Variants in ZNF532 observed in about 807,000 individuals in gnomAD.
ZNF532 encodes the protein zinc finger protein 532.
ZNF532 carries 22 observed loss-of-function variants against 89.3 expected under a neutral mutation model. That is an observed-to-expected ratio of 0.25 (90% CI 0.18 to 0.35). The LOEUF is 0.35. Ranked by LOEUF, ZNF532 falls within the 10% of genes least tolerant of loss-of-function variation. The pLI, the probability that ZNF532 is intolerant of heterozygous loss-of-function variation, is 1.00. For missense variants in ZNF532, 1,132 were observed against 1,643.4 expected, an observed-to-expected ratio of 0.69 and a Z score of 5.38; for synonymous variants, 606 against 649.6, an observed-to-expected ratio of 0.93 and a Z score of 1.02.
In ZNF532 at chr18:58,919,421, C is replaced by T. The variant is rs1265887381; in HGVS notation, c.1134C>T (p.Thr378=). 1.2e-5 allele frequency: 20 copies of T among 1,614,076 alleles called. No homozygotes were observed. The Admixed American group carries it at 1.3e-4, about 11-fold the overall frequency. The change falls in exon 3 of 10, where the codon ACC becomes ACT. Residue 378 remains threonine (T), a synonymous_variant. Transcript: ENST00000591808. This position sits in a 1 kb window ranked among gnomAD's most constrained non-coding sequence, Gnocchi z 6.1. ...CTGGGGAAATCAAGAGAACAGTGACCAGGGTATTGCCAGAAGTGGATCTTG... is the reference window on the plus strand; with the variant it reads ...CTGGGGAAATCAAGAGAACAGTGACTAGGGTATTGCCAGAAGTGGATCTTG... The part of the protein sequence containing the change: ...TSSGEIKRTV[T]RVLPEVDLDS...
At chr18:58,908,722 T>C (rs1275371839) in intron 2 of ZNF532, among the ~76,000 whole-genome samples, 2 of 152,230 alleles carry the variant, frequency 1.3e-5, no homozygotes, top group African/African-American at 4.8e-5. Context: ...TTTGTATTCA[T>C]GGATCAGAAA....
intron 2 of ZNF532, among the ~76,000 whole-genome samples, chr18:58,899,054 G>A (rs556666501): frequency 2.8e-4 from 43 of 152,378 alleles, no homozygotes; most frequent in African/African-American, 9.6e-4. Flanking sequence ...TGCTGAGTGC[G>A]CGTAGATTGC....
rs150724465 is a variant in ZNF532 at position 58,973,916 on chromosome 18, A to G, written c.3151-5139A>G. Among the ~76,000 whole-genome samples the G allele has an allele frequency of 1.1e-4, 17 of 152,274 alleles. No homozygotes were observed. The East Asian group carries it at 3.3e-3, about 29-fold the overall frequency. On this transcript the variant is annotated intron_variant, in intron 7 of 9. Coordinates refer to ENST00000591808, the MANE Select transcript of ZNF532 (RefSeq NM_001375912.1). ...TCACGTGTACTGTATGGCTCCATTT[A>G]TATGACAAATGGAGAAAGCAAAACC...
intron 2 of ZNF532, among the ~76,000 whole-genome samples, chr18:58,907,870 C>T (rs2060033875): frequency 6.6e-6 from 1 of 152,184 alleles, no homozygotes; most frequent in Non-Finnish European, 1.5e-5. Flanking sequence ...AAGATGATGC[C>T]CACTTACCTT....
chr18:58,934,578 A>G lies in ZNF532; in HGVS notation c.2492A>G (p.Lys831Arg), dbSNP rs1163389196. The G allele has an allele frequency of 8.1e-6, 13 of 1,614,028 alleles. No individual in the cohort carries two copies. In the East Asian group the frequency reaches 1.3e-4, roughly 17 times the overall value. The change falls in exon 4 of 10, where the codon AAG becomes AGG. Residue 831 changes from lysine to arginine, a missense_variant. By Grantham distance (26) the Lys-to-Arg change is conservative. Around this residue, in one of 9 missense-constraint regions of ZNF532, gnomAD observed 415 missense variants for 604.8 expected, o/e 0.69. Transcript: ENST00000591808. Reference protein sequence around the residue: ...RSVHFQTHVTKNCLHYTRRVG... With the variant: ...RSVHFQTHVTRNCLHYTRRVG... ...GTGCACTTCCAGACCCACGTCACCA[A>G]GAACTGTCTGCACTACACGAGGAGA...
intron 4 of ZNF532, among the ~76,000 whole-genome samples, chr18:58,938,048 T>C (rs538456419): frequency 6.6e-6 from 1 of 152,326 alleles, no homozygotes; most frequent in South Asian, 2.1e-4. Context: ...TTAAATAGAA[T>C]GCATACAATC....
chr18:58,872,343 C>T (rs2057053823), intron 2 of ZNF532, among the ~76,000 whole-genome samples: 2 of 152,152 alleles, frequency 1.3e-5, no homozygotes, highest in Admixed American at 1.3e-4. Flanking sequence ...TCAGCCTTTG[C>T]ATTTTGGGAC....
chr18:58,887,960 T>G (rs2058422543), intron 2 of ZNF532, among the ~76,000 whole-genome samples: 1 of 152,218 alleles, frequency 6.6e-6, no homozygotes, highest in Admixed American at 6.5e-5. Context: ...CCCAAACATC[T>G]TTTTATTAGA....
chr18:58,912,658 G>A (rs2060351829), intron 2 of ZNF532, among the ~76,000 whole-genome samples: 1 of 152,184 alleles, frequency 6.6e-6, no homozygotes, highest in South Asian at 2.1e-4. Flanking sequence ...TTAGTGTGAA[G>A]GCTAAAGGTA....
Position 58,919,937 on chromosome 18 carries a change from A to T in ZNF532, c.1650A>T (p.Gln550His), listed in dbSNP as rs1362308429. 2 of 1,613,974 alleles carry T rather than the reference A, an allele frequency of 1.2e-6. No homozygotes were observed. Among genetic ancestry groups the T allele is most frequent in the South Asian group, 1.1e-5 (1 of 91,046 alleles). ...AAGTGCTAACCAAACCTCAGCAACA[A>T]ATAAAGCAGGCAATAATCAATGCAG... ...LRQVLTKPQQQIKQAIINAAA... is the reference protein window; with the variant it reads ...LRQVLTKPQQHIKQAIINAAA... The change falls in exon 3 of 10, where the codon CAA (glutamine) becomes CAT (histidine). Residue 550 changes from glutamine to histidine, a missense_variant. Transcript: ENST00000591808. This position sits in a 1 kb window ranked among gnomAD's most constrained non-coding sequence, Gnocchi z 6.1.
At chr18:58,888,591 G>T (rs1277774485) in intron 2 of ZNF532, among the ~76,000 whole-genome samples, 5 of 144,454 alleles carry the variant, frequency 3.5e-5, no homozygotes, top group Non-Finnish European at 7.5e-5. Flanking sequence ...CAGGAGAATC[G>T]CTTCAACCTG....
intron 7 of ZNF532, among the ~76,000 whole-genome samples, chr18:58,977,323 G>A (rs911838489): frequency 3.9e-5 from 6 of 152,200 alleles, no homozygotes; most frequent in African/African-American, 1.2e-4. Flanking sequence ...AATCATCCCC[G>A]TGTTCTCGAA....
intron 2 of ZNF532, among the ~76,000 whole-genome samples, chr18:58,905,359 C>T (rs530424945): frequency 5.3e-4 from 80 of 151,872 alleles, no homozygotes; most frequent in African/African-American, 1.9e-3. Context: ...TCCCGGCTCT[C>T]CCCTGCATTT....
chr18:58,906,522 G>A (rs147181184), intron 2 of ZNF532, among the ~76,000 whole-genome samples: 190 of 152,114 alleles, frequency 1.2e-3, no homozygotes, highest in Non-Finnish European at 2.3e-3. Context: ...TTCCTAGATC[G>A]GTCATTTCTC....
chr18:58,950,704 T>C (rs556035732), intron 6 of ZNF532, among the ~76,000 whole-genome samples: 1 of 152,372 alleles, frequency 6.6e-6, no homozygotes, highest in South Asian at 2.1e-4. Flanking sequence ...TTGACATTTA[T>C]ATTTAAACTT....
chr18:58,951,462 TA>T (rs1285707781), intron 6 of ZNF532, among the ~76,000 whole-genome samples: 3 of 152,120 alleles, frequency 2.0e-5, no homozygotes, highest in Non-Finnish European at 4.4e-5. Context: ...AGGTTTTAAA[TA>T]GTTAAAAATG....
At chr18:58,906,362 C>T (rs547270698) in intron 2 of ZNF532, among the ~76,000 whole-genome samples, 17 of 152,250 alleles carry the variant, frequency 1.1e-4, no homozygotes, top group African/African-American at 3.4e-4. Flanking sequence ...TTTTGTTGCT[C>T]GGATTGTTCC....
chr18:58,913,600 G>GAA lies in ZNF532; in HGVS notation c.-17-4666_-17-4665dup, dbSNP rs201698797. On this transcript the variant is annotated intron_variant, in intron 2 of 9. Transcript: ENST00000591808. ...ACCCCATCCTAAAAGAAAGGGAAAG[G>GAA]AAAAAATATATATATATAAAAGAAT... Among the ~76,000 whole-genome samples the GAA allele has an allele frequency of 8.9e-3, 1,294 of 145,858 alleles. 14 individuals are homozygous for GAA. Among genetic ancestry groups the GAA allele is most frequent in the South Asian group, 0.037 (163 of 4,464 alleles).
At chr18:58,974,202 T>C (rs1374018865) in intron 7 of ZNF532, among the ~76,000 whole-genome samples, 2 of 152,170 alleles carry the variant, frequency 1.3e-5, no homozygotes, top group East Asian at 1.9e-4. Flanking sequence ...TGAAGGAATA[T>C]AGTGAAGTCT....
Sources: allele counts gnomAD v4.1 joint callset (sites outside exome capture counted in the v4.1 genomes callset), GRCh38; gene constraint gnomAD v4.1.1; regional missense constraint gnomAD v4.1.1; non-coding constraint Gnocchi (gnomAD v3.1); transcripts MANE v1.5; gene names NCBI Gene and HGNC (gene_info 2026-07-23, HGNC 2026-07-21).